C6orf120: variants seen among roughly 807,000 people sequenced by gnomAD.
The protein encoded by C6orf120 is chromosome 6 open reading frame 120.
For missense variants in C6orf120, 311 were observed against 264.2 expected (o/e 1.18, Z -1.23); for synonymous variants, 165 against 123.1 (o/e 1.34, Z -2.25).
chr6:169,705,471 C>T, downstream of C6orf120: 6 of 714,448 alleles, frequency 8.4e-6, no homozygotes, highest in Admixed American at 1.2e-4. Flanking sequence ...GAGGAAAACA[C>T]ATGGGCTGTG....
chr6:169,704,344 A>G lies in C6orf120; in HGVS notation c.*1309A>G, dbSNP rs1006529713. 1.2e-5 allele frequency: 5 copies of G among 416,896 alleles called. No homozygotes were observed. In the Admixed American group the frequency reaches 2.3e-4, roughly 19 times the overall value. 25.8% of individuals were successfully genotyped at this position (416,896 alleles called of 1,614,324 possible). A position where few individuals can be genotyped will look rare whatever the true frequency, so the allele number is the denominator to read the frequency against. ...CCATACGGTGATACGGACCTTTAAG[A>G]AAGTACAATCTTTCCTGAAATTCAA... On this transcript the variant is annotated 3_prime_UTR_variant, in exon 1 of 1. Coordinates refer to ENST00000332290, the Ensembl canonical transcript of C6orf120.
chr6:169,702,866 A>G (rs769449075), exon 1 of C6orf120: 3 of 1,611,958 alleles, frequency 1.9e-6, no homozygotes, highest in East Asian at 4.5e-5. Flanking sequence ...GTGTACTACG[A>G]CGGCACGGTC....
exon 1 of C6orf120, chr6:169,703,955 C>G (rs771281425): frequency 2.2e-6 from 3 of 1,381,806 alleles, no homozygotes; most frequent in Admixed American, 2.5e-5. Context: ...TAAATGGCAC[C>G]AAATATTCCA....
rs201930179 is a variant in C6orf120, at chr6:169,702,475, G to C, written c.16G>C (p.Gly6Arg). Reference sequence around the variant, plus strand: ...GCCGCCAGCCATGGCCGCTCCCCGCGGGAGGGCCGCGCCCTGGACGACGGC... The same window carrying C: ...GCCGCCAGCCATGGCCGCTCCCCGCCGGAGGGCCGCGCCCTGGACGACGGC... The change falls in exon 1 of 1, where the codon GGG (glycine) becomes CGG (arginine). Residue 6 changes from glycine (G) to arginine (R), a missense_variant. Coordinates refer to ENST00000332290, the Ensembl canonical transcript of C6orf120. 8.7e-5 allele frequency: 136 copies of C among 1,562,614 alleles called. No homozygotes were observed. The African/African-American group carries it at 1.7e-3, about 19-fold the overall frequency.
At chr6:169,703,759 C>CT in exon 1 of C6orf120, 1 of 497,928 alleles carries the variant, frequency 2.0e-6, no homozygotes. Context: ...AGTTAAGTAT[C>CT]TTAAGTTACT....
At chr6:169,705,505 T>G (rs1477994700), downstream of C6orf120, 2 of 755,658 alleles carry the variant, frequency 2.6e-6, no homozygotes, top group Non-Finnish European at 4.7e-6. Context: ...AGCTACCCTG[T>G]GTATTTAATT....
exon 1 of C6orf120, chr6:169,703,986 T>G (rs1788660496): frequency 1.9e-6 from 3 of 1,575,356 alleles, no homozygotes; most frequent in African/African-American, 2.7e-5. Flanking sequence ...TATACAGTAT[T>G]AGAGTCAAAA....
exon 1 of C6orf120, chr6:169,702,402 C>T (rs1321585807): frequency 9.1e-7 from 1 of 1,093,782 alleles, no homozygotes; most frequent in Admixed American, 2.6e-5. Flanking sequence ...TGCTGAGCGC[C>T]TCCGGTGTCC....
In C6orf120 at chr6:169,703,910, A is replaced by C. The variant is rs1788639509; in HGVS notation, c.*875A>C. ...TGCAGATTTTAAGCTCATAATTTGC[A>C]AAAAAAATCTTTTATTGGCATGAAA... On this transcript the variant is annotated 3_prime_UTR_variant, in exon 1 of 1. Transcript: ENST00000332290. 3 of 1,050,986 alleles carry C rather than the reference A, an allele frequency of 2.9e-6. No homozygotes were observed. The South Asian group carries it at 5.0e-5, about 17-fold the overall frequency. 65.1% of individuals were successfully genotyped at this position (1,050,986 alleles called of 1,614,324 possible).
chr6:169,705,790 C>T, downstream of C6orf120: 1 of 843,980 alleles, frequency 1.2e-6, no homozygotes, highest in Non-Finnish European at 2.1e-6. Flanking sequence ...AAAAGGAATT[C>T]TGTTACTTTA....
At chr6:169,705,192 C>T (rs1442211333), downstream of C6orf120, 5 of 1,613,796 alleles carry the variant, frequency 3.1e-6, no homozygotes, top group South Asian at 2.2e-5. Context: ...ACACATATCA[C>T]AGAACATCAT....
chr6:169,706,014 C>T (rs1361915197), downstream of C6orf120, among the ~76,000 whole-genome samples: 1 of 152,090 alleles, frequency 6.6e-6, no homozygotes, highest in Non-Finnish European at 1.5e-5. Context: ...GAAGGAAAGA[C>T]TAAATACAAT....
At chr6:169,703,119 G>GT (rs1325601763) in exon 1 of C6orf120, 2 of 1,394,726 alleles carry the variant, frequency 1.4e-6, no homozygotes, top group Non-Finnish European at 1.9e-6. Flanking sequence ...CTTGTACTTG[G>GT]TTGAAGTTCT....
At chr6:169,705,601 C>A (rs979957862), downstream of C6orf120, 2 of 1,219,132 alleles carry the variant, frequency 1.6e-6, no homozygotes, top group African/African-American at 3.0e-5. Flanking sequence ...TTTAAAAAGA[C>A]ATTTCAATAC....
At chr6:169,705,870 T>G, downstream of C6orf120, 1 of 629,448 alleles carries the variant, frequency 1.6e-6, no homozygotes, top group Non-Finnish European at 2.9e-6. Context: ...GACAGGAGTC[T>G]GCCTACAATG....
chr6:169,704,933 G>C (rs900863037), downstream of C6orf120: 1 of 424,042 alleles, frequency 2.4e-6, no homozygotes, highest in African/African-American at 2.0e-5. Flanking sequence ...GGGGCATTCT[G>C]GCCTTTCACT....
At chr6:169,702,274 G>C (rs1349953516) in exon 1 of C6orf120, 1 of 687,296 alleles carries the variant, frequency 1.5e-6, no homozygotes, top group Non-Finnish European at 2.6e-6. Flanking sequence ...ACGGGGGAGG[G>C]GTTAACCCAC....
exon 1 of C6orf120, chr6:169,704,315 A>G (rs767816711): frequency 3.0e-5 from 15 of 493,044 alleles, no homozygotes; most frequent in Non-Finnish European, 4.7e-5. Flanking sequence ...GGAGAGATGC[A>G]ATGCCATACG....
At chr6:169,703,959 T>C (rs777129167) in exon 1 of C6orf120, 4 of 1,399,902 alleles carry the variant, frequency 2.9e-6, no homozygotes, top group Middle Eastern at 1.8e-4. Flanking sequence ...TGGCACCAAA[T>C]ATTCCACTTA....
Sources: gnomAD v4.1 joint callset for allele counts (sites outside exome capture counted in the v4.1 genomes callset) on GRCh38, gnomAD v4.1.1 for gene constraint, MANE v1.5 for transcripts, NCBI Gene and HGNC (gene_info 2026-07-23, HGNC 2026-07-21) for gene names.